Variants in ROBO1 observed in about 807,000 individuals in gnomAD.
ROBO1 encodes the protein roundabout guidance receptor 1.
A neutral mutation model predicts 195.9 loss-of-function variants in ROBO1; 149 were observed. The ratio of observed to expected loss-of-function variants is 0.76; its 90% CI spans 0.67 to 0.87. ROBO1 has a LOEUF of 0.87. Ranked by LOEUF, ROBO1 falls within the 40% of genes least tolerant of loss-of-function variation. ROBO1 has a pLI of 0.00. For missense variants in ROBO1, 1,933 were observed against 2,068.3 expected (o/e 0.93, Z 1.27); for synonymous variants, 816 against 733.2 (o/e 1.11, Z -1.82).
intron 2 of ROBO1, among the ~76,000 whole-genome samples, chr3:79,559,724 C>A (rs1263357232): frequency 6.6e-6 from 1 of 152,038 alleles, no homozygotes; most frequent in East Asian, 1.9e-4. Flanking sequence ...CGAGACCAGC[C>A]TGACTAACAT....
intron 2 of ROBO1, among the ~76,000 whole-genome samples, chr3:79,400,016 G>T (rs908956273): frequency 9.2e-5 from 14 of 152,056 alleles, no homozygotes; most frequent in African/African-American, 3.4e-4. Flanking sequence ...TTTACCTCTG[G>T]TTTTATATTT....
intron 5 of ROBO1, among the ~76,000 whole-genome samples, chr3:78,730,055 A>C (rs1373646482): frequency 6.6e-6 from 1 of 152,226 alleles, no homozygotes; most frequent in African/African-American, 2.4e-5. Context: ...CTGAAATAAA[A>C]ATCTACAAGG....
chr3:79,743,065 T>C (rs1163249279), intron 1 of ROBO1, among the ~76,000 whole-genome samples: 1 of 152,220 alleles, frequency 6.6e-6, no homozygotes, highest in Admixed American at 6.5e-5. Flanking sequence ...CTTGTTTAAC[T>C]CAACCATCCA....
chr3:79,373,141 T>TTACTTAAAATACTTAAAA (rs1269963845), intron 2 of ROBO1, among the ~76,000 whole-genome samples: 1 of 152,230 alleles, frequency 6.6e-6, no homozygotes, highest in African/African-American at 2.4e-5. Context: ...AGCTTTAGGT[T>TTACTTAAAATACTTAAAA]TACTTAAAAT....
rs1240930980 is a variant in ROBO1, at chr3:79,716,654, T to C, written c.-51+51098A>G. Among the ~76,000 whole-genome samples the C allele has an allele frequency of 2.0e-5, 3 of 151,952 alleles. No homozygotes were observed. In the East Asian group the frequency reaches 5.8e-4, roughly 29 times the overall value. ...GGAAAATGTGAAGATGTAGCAAATATGGTATTAGATGACCTGATACCAACT... is the reference window on the plus strand; with the variant it reads ...GGAAAATGTGAAGATGTAGCAAATACGGTATTAGATGACCTGATACCAACT... On this transcript the variant is annotated intron_variant, in intron 1 of 30. Coordinates refer to ENST00000464233, the MANE Select transcript of ROBO1 (RefSeq NM_002941.4).
rs369379762 is a variant in ROBO1, at chr3:79,045,905, C to T, written c.172+79551G>A. ...TGATGAGGAAAAAGTTATTTTTTCA[C>T]GAAACTCTAAAGTCATTATTTTCAC... is the stretch of plus-strand genomic sequence containing the variant. On this transcript the variant is annotated intron_variant, in intron 3 of 30. Transcript: ENST00000464233. Among the ~76,000 whole-genome samples the T allele has an allele frequency of 3.3e-5, 5 of 152,118 alleles. No individual in the cohort carries two copies. The East Asian group carries it at 7.8e-4, about 24-fold the overall frequency.
At chr3:78,792,401 G>T (rs754057699) in intron 4 of ROBO1, among the ~76,000 whole-genome samples, 21 of 152,092 alleles carry the variant, frequency 1.4e-4, no homozygotes, top group Non-Finnish European at 2.8e-4. Context: ...CTACTAATGT[G>T]CCATTATTAG....
chr3:79,622,825 A>G (rs566565108), intron 1 of ROBO1, among the ~76,000 whole-genome samples: 1 of 152,332 alleles, frequency 6.6e-6, no homozygotes, highest in South Asian at 2.1e-4. Context: ...AAAGTGCTTC[A>G]TTAAACAGGT....
At chr3:79,145,950 T>C (rs957630073) in intron 2 of ROBO1, among the ~76,000 whole-genome samples, 2 of 151,790 alleles carry the variant, frequency 1.3e-5, no homozygotes, top group African/African-American at 4.8e-5. Flanking sequence ...ACTTAATTGG[T>C]AGAAATAATA....
chr3:79,213,565 T>C (rs937000728), intron 2 of ROBO1, among the ~76,000 whole-genome samples: 3 of 152,094 alleles, frequency 2.0e-5, no homozygotes, highest in Non-Finnish European at 4.4e-5. Context: ...AATAAAAATA[T>C]ACTAAAGCAA....
chr3:79,181,819 G>C (rs913387362), intron 2 of ROBO1, among the ~76,000 whole-genome samples: 6 of 151,662 alleles, frequency 4.0e-5, no homozygotes, highest in African/African-American at 1.5e-4. Flanking sequence ...CCAGCTACTT[G>C]GGAGGCTGAG....
At chr3:78,627,735 A>C (rs1704905878) in intron 25 of ROBO1, among the ~76,000 whole-genome samples, 166 bp from the exon 26 acceptor site, 1 of 152,226 alleles carries the variant, frequency 6.6e-6, no homozygotes, top group Admixed American at 6.5e-5. Flanking sequence ...TTTGTGAATT[A>C]CTGCATAAAC....
chr3:79,533,198 C>T (rs1029625469), intron 2 of ROBO1: 1 of 242,094 alleles, frequency 4.1e-6, no homozygotes, highest in Non-Finnish European at 8.5e-6. Context: ...TGATTTAGAT[C>T]TTTGAGGACT....
At chr3:78,717,550 G>A in intron 6 of ROBO1, 137 bp from the exon 7 acceptor site, 1 of 908,690 alleles carries the variant, frequency 1.1e-6, no homozygotes, top group South Asian at 1.7e-5. Context: ...CCTCATTCTA[G>A]AAGCTTCTCC....
intron 2 of ROBO1, among the ~76,000 whole-genome samples, chr3:79,524,716 C>T (rs1014292470): frequency 2.0e-5 from 3 of 152,030 alleles, no homozygotes; most frequent in African/African-American, 7.2e-5. Flanking sequence ...ATCTCCCATG[C>T]CAGACTTGAA....
intron 1 of ROBO1, among the ~76,000 whole-genome samples, chr3:79,756,419 C>CAT (rs1207298556): frequency 2.6e-5 from 4 of 151,972 alleles, no homozygotes; most frequent in Non-Finnish European, 5.9e-5. Context: ...TGTGGTGGCG[C>CAT]ATGCCTGTAA....
rs77015284 is a variant in ROBO1, at chr3:79,641,141, G to T, written c.-50-51180C>A. ...CGTGAGACTACTCATGGAATGGTGA[G>T]AAATAATTTCCTCAAACTTTCTACT... On this transcript the variant is annotated intron_variant, in intron 1 of 30. Transcript: ENST00000464233. Among the ~76,000 whole-genome samples the T allele has an allele frequency of 5.6e-3, 853 of 152,240 alleles. 5 individuals are homozygous for T. Among genetic ancestry groups the T allele is most frequent in the African/African-American group, 0.018 (739 of 41,554 alleles).
intron 2 of ROBO1, among the ~76,000 whole-genome samples, chr3:79,212,318 G>T (rs556039907): frequency 1.3e-5 from 2 of 152,260 alleles, no homozygotes; most frequent in African/African-American, 4.8e-5. Context: ...CTCAACAACT[G>T]ATAAGAAAAT....
At chr3:79,427,639 C>T (rs942098804) in intron 2 of ROBO1, among the ~76,000 whole-genome samples, 1 of 152,138 alleles carries the variant, frequency 6.6e-6, no homozygotes, top group African/African-American at 2.4e-5. Flanking sequence ...TAACTCCATA[C>T]ATCTACAGTG....
Sources: gnomAD v4.1 joint callset for allele counts (sites outside exome capture counted in the v4.1 genomes callset) on GRCh38, gnomAD v4.1.1 for gene constraint, MANE v1.5 for transcripts, NCBI Gene and HGNC (gene_info 2026-07-23, HGNC 2026-07-21) for gene names.